Variants in PDSS2 observed in about 807,000 individuals in gnomAD.
PDSS2 encodes all trans-polyprenyl-diphosphate synthase PDSS2.
A neutral mutation model predicts 44.5 loss-of-function variants in PDSS2; 31 were observed. The ratio of observed to expected loss-of-function variants is 0.70; its 90% CI spans 0.52 to 0.94. The LOEUF is 0.94. PDSS2 is among the 40% of genes least tolerant of loss of function. The pLI is 0.00. For synonymous variants in PDSS2, 157 were observed against 180.3 expected, an observed-to-expected ratio of 0.87 and a Z score of 1.03; for missense variants, 452 against 482.2, an observed-to-expected ratio of 0.94 and a Z score of 0.59.
rs754451781 is a variant in PDSS2, at chr6:107,459,043, A to G, written c.243T>C (p.Ala81=). Reference sequence around the variant, plus strand: ...TGCCCACCAGCTTCCGCACCTGCATAGCGATGTTGCTGAGCTCGTCGCTCA... The same window carrying G: ...TGCCCACCAGCTTCCGCACCTGCATGGCGATGTTGCTGAGCTCGTCGCTCA... The part of the protein sequence containing the change: ...CLLSDELSNI[A]MQVRKLVGTQ... The change falls in exon 1 of 8, where the codon GCT becomes GCC. Residue 81 remains alanine, a synonymous_variant. Transcript: ENST00000369037. The surrounding 1 kb of genome is among the most constrained non-coding windows in gnomAD (Gnocchi z 4.3). The G allele has an allele frequency of 3.7e-6, 6 of 1,614,112 alleles. No homozygotes were observed. Among genetic ancestry groups the G allele is most frequent in the Non-Finnish European group, 4.2e-6 (5 of 1,180,022 alleles).
At chr6:107,422,867 A>T in intron 1 of PDSS2, among the ~76,000 whole-genome samples, 1 of 152,236 alleles carries the variant, frequency 6.6e-6, no homozygotes. Flanking sequence ...TTCATTTTTT[A>T]AATTAAACAA....
chr6:107,179,060 A>G (rs1771886130), intron 7 of PDSS2, among the ~76,000 whole-genome samples: 1 of 152,222 alleles, frequency 6.6e-6, no homozygotes, highest in African/African-American at 2.4e-5. Flanking sequence ...CAAAGCACGC[A>G]TACAATGGCA....
chr6:107,343,264 A>T (rs1778135772), intron 1 of PDSS2, among the ~76,000 whole-genome samples: 2 of 150,764 alleles, frequency 1.3e-5, no homozygotes, highest in South Asian at 4.2e-4. Flanking sequence ...CCCTAGTTAA[A>T]TTTTTTTTTT....
At chr6:107,385,723 C>CT (rs968739897) in intron 1 of PDSS2, among the ~76,000 whole-genome samples, 6 of 151,078 alleles carry the variant, frequency 4.0e-5, no homozygotes, top group Non-Finnish European at 1.5e-5. Flanking sequence ...AGCTGAACAT[C>CT]TTTTTTTTTC....
chr6:107,154,501 AAAGG>A lies in PDSS2; in HGVS notation c.*114_*117del. ...GCAGAACTCATTTAGCAATGTGATA[AAAGG>A]AAGGAAAAATGCATATGTTTTAAAA... is the stretch of plus-strand genomic sequence containing the variant. On this transcript the variant is annotated 3_prime_UTR_variant, in exon 8 of 8. Coordinates refer to ENST00000369037, the MANE Select transcript of PDSS2 (RefSeq NM_020381.4). 2.2e-6 allele frequency: 2 copies of A among 924,472 alleles called. No individual in the cohort carries two copies. Among genetic ancestry groups the A allele is most frequent in the South Asian group, 1.4e-5 (1 of 71,448 alleles). 57.3% of individuals were successfully genotyped at this position (924,472 alleles called of 1,614,324 possible). A position where few individuals can be genotyped will look rare whatever the true frequency, so the allele number is the denominator to read the frequency against.
At chr6:107,390,295 A>G (rs1779739743) in intron 1 of PDSS2, among the ~76,000 whole-genome samples, 1 of 152,138 alleles carries the variant, frequency 6.6e-6, no homozygotes, top group African/African-American at 2.4e-5. Context: ...GTGATAAGTC[A>G]TAACGTAAAA....
intron 2 of PDSS2, among the ~76,000 whole-genome samples, chr6:107,280,184 C>T (rs1350788714): frequency 2.6e-5 from 4 of 152,216 alleles, no homozygotes; most frequent in East Asian, 1.9e-4. Context: ...GTCAGCCTCC[C>T]GAGTAGCTAG....
rs1171542411 is a variant in PDSS2 at position 107,173,592 on chromosome 6, A to AAAC, written c.1042-18816_1042-18815insGTT. Among the ~76,000 whole-genome samples, 157 of 150,438 alleles carry AAAC rather than the reference A, an allele frequency of 1.0e-3. 3 individuals are homozygous for AAAC. The highest frequency in any genetic ancestry group is 3.6e-3 in the African/African-American group (147 of 40,628). Reference sequence around the variant, plus strand: ...TGTCTCAAAAAAAAAAAAAAAAAAAAAAAAACGCTTAGAACAGGAAAGCAG... The same window carrying AAAC: ...TGTCTCAAAAAAAAAAAAAAAAAAAAAACAAAAACGCTTAGAACAGGAAAGCAG... On this transcript the variant is annotated intron_variant, in intron 7 of 7. Transcript: ENST00000369037.
intron 2 of PDSS2, among the ~76,000 whole-genome samples, chr6:107,321,295 T>C (rs1777374868): frequency 6.6e-6 from 1 of 152,144 alleles, no homozygotes; most frequent in Non-Finnish European, 1.5e-5. Context: ...GCCTCAAAGG[T>C]ACAAAATGTA....
intron 2 of PDSS2, among the ~76,000 whole-genome samples, chr6:107,292,028 A>G (rs1028424928): frequency 1.3e-5 from 2 of 152,118 alleles, no homozygotes; most frequent in Non-Finnish European, 2.9e-5. Context: ...TGTCTCTTTT[A>G]GAAAAGCTCA....
intron 1 of PDSS2, among the ~76,000 whole-genome samples, chr6:107,445,765 T>C (rs1781653032): frequency 6.6e-6 from 1 of 152,214 alleles, no homozygotes; most frequent in African/African-American, 2.4e-5. Flanking sequence ...TAGTCCGGAA[T>C]TGGCAACATT....
intron 1 of PDSS2, among the ~76,000 whole-genome samples, chr6:107,437,836 C>T (rs1478124271): frequency 6.6e-6 from 1 of 152,142 alleles, no homozygotes; most frequent in Non-Finnish European, 1.5e-5. Flanking sequence ...GCTCTTATAT[C>T]TCCTGATTGA....
intron 4 of PDSS2, among the ~76,000 whole-genome samples, chr6:107,239,834 GTT>G: frequency 6.6e-6 from 1 of 151,756 alleles, no homozygotes; most frequent in Non-Finnish European, 1.5e-5. Context: ...CAGAGACACG[GTT>G]TCACCATGTT....
chr6:107,406,545 G>C (rs1197352592), intron 1 of PDSS2, among the ~76,000 whole-genome samples: 1 of 152,172 alleles, frequency 6.6e-6, no homozygotes, highest in African/African-American at 2.4e-5. Context: ...CCACCAATCT[G>C]ATGATAAAAA....
intron 1 of PDSS2, among the ~76,000 whole-genome samples, chr6:107,396,696 T>C (rs1779958940): frequency 6.8e-6 from 1 of 146,776 alleles, no homozygotes; most frequent in South Asian, 2.2e-4. Flanking sequence ...TTTTTTTTTT[T>C]TTTTGAGACA....
chr6:107,247,363 C>T (rs1774656422), intron 3 of PDSS2, among the ~76,000 whole-genome samples: 1 of 152,180 alleles, frequency 6.6e-6, no homozygotes, highest in African/African-American at 2.4e-5. Context: ...CTTTACTTCC[C>T]TGAAATTCCA....
chr6:107,256,702 T>A (rs1360347179), intron 3 of PDSS2, among the ~76,000 whole-genome samples: 1 of 152,144 alleles, frequency 6.6e-6, no homozygotes, highest in African/African-American at 2.4e-5. Context: ...AAAAATTAAG[T>A]AATCTTTTTT....
At chr6:107,369,025 T>G (rs574482292) in intron 1 of PDSS2, among the ~76,000 whole-genome samples, 1 of 152,336 alleles carries the variant, frequency 6.6e-6, no homozygotes, top group Non-Finnish European at 1.5e-5. Flanking sequence ...ACATTTATGG[T>G]CAATTAATTT....
chr6:107,201,390 C>CAAAAAA (rs747612959), intron 6 of PDSS2, among the ~76,000 whole-genome samples: 461 of 52,042 alleles, frequency 8.9e-3, no homozygotes, highest in African/African-American at 0.013. Context: ...CATACAAAAG[C>CAAAAAA]AAAAAAAAAA....
Sources: allele counts gnomAD v4.1 joint callset (sites outside exome capture counted in the v4.1 genomes callset), GRCh38; gene constraint gnomAD v4.1.1; non-coding constraint Gnocchi (gnomAD v3.1); transcripts MANE v1.5; gene names NCBI Gene and HGNC (gene_info 2026-07-23, HGNC 2026-07-21).